The following ZNF541 variants were observed in gnomAD, a reference collection of about 807,000 sequenced individuals.
ZNF541 encodes zinc finger protein 541.
In ZNF541, 23 loss-of-function variants were observed where a neutral mutation model predicts 123.5. The observed-to-expected ratio is 0.19, with a 90% CI of 0.13 to 0.26. ZNF541 has a LOEUF of 0.26. ZNF541 is among the 10% of genes least tolerant of loss of function. The probability of loss-of-function intolerance (pLI) is 1.00; values close to 1 mark genes in which losing one functional copy is unlikely to be tolerated. For missense variants in ZNF541, 1,612 were observed against 1,789.9 expected (o/e 0.90, Z 1.79); for synonymous variants, 751 against 754.5 (o/e 1.00, Z 0.08).
Position 47,555,938 on chromosome 19 carries a change from T to G in ZNF541, c.-82A>C. The G allele has an allele frequency of 7.5e-7, 1 of 1,337,388 alleles. No individual in the cohort carries two copies. The highest frequency in any genetic ancestry group is 1.0e-6 in the Non-Finnish European group (1 of 994,326). The allele number at this position is 1,337,388 out of a possible 1,614,324, so 82.8% of individuals were successfully genotyped here. A position where few individuals can be genotyped will look rare whatever the true frequency, so the allele number is the denominator to read the frequency against. ...TAAGGAGACAGGGAGGAGAGAGCCC[T>G]TGATGGCAACTAATTCCTGAAAATG... On this transcript the variant is annotated 5_prime_UTR_variant, in exon 3 of 17. Coordinates refer to ENST00000391901, the MANE Select transcript of ZNF541 (RefSeq NM_001277075.3).
At chr19:47,561,399 C>T (rs987118398) in intron 2 of ZNF541, among the ~76,000 whole-genome samples, 6 of 152,052 alleles carry the variant, frequency 3.9e-5, no homozygotes, top group Admixed American at 1.3e-4. Context: ...GATTGCGCCA[C>T]TGCACTCCAG....
chr19:47,572,790 G>A lies in ZNF541; in HGVS notation c.-246+293C>T, dbSNP rs1971522562. ...GGGGGGACGGAGTGGGAAAGAAAAG[G>A]GGGTGCAGCGGGCCAGGGGATCCTG... is the stretch of plus-strand genomic sequence containing the variant. On this transcript the variant is annotated intron_variant, in intron 1 of 16. Transcript: ENST00000391901. Among the ~76,000 whole-genome samples the A allele has an allele frequency of 2.0e-5, 3 of 151,726 alleles. No individual in the cohort carries two copies. In the South Asian group the frequency reaches 6.2e-4, roughly 32 times the overall value.
chr19:47,540,550 G>T (rs1209032767), intron 6 of ZNF541, among the ~76,000 whole-genome samples: 2 of 151,052 alleles, frequency 1.3e-5, no homozygotes, highest in Non-Finnish European at 2.9e-5. Flanking sequence ...AGTGATTTTC[G>T]TGCCTCAGCC....
chr19:47,556,192 A>G (rs1184767849), intron 2 of ZNF541, among the ~76,000 whole-genome samples: 8 of 152,200 alleles, frequency 5.3e-5, no homozygotes, highest in Non-Finnish European at 1.2e-4. Flanking sequence ...TTCCAGCAAC[A>G]TGGTGGACTG....
chr19:47,562,118 A>G (rs924542247), intron 2 of ZNF541, among the ~76,000 whole-genome samples: 2 of 152,062 alleles, frequency 1.3e-5, no homozygotes, highest in East Asian at 3.9e-4. Flanking sequence ...CTGTGGTGGC[A>G]GGCACCTGCA....
intron 14 of ZNF541, among the ~76,000 whole-genome samples, chr19:47,527,606 G>C (rs1277442935): frequency 6.6e-6 from 1 of 151,974 alleles, no homozygotes; most frequent in Admixed American, 6.6e-5. Flanking sequence ...ATATTGCCCA[G>C]GCTGGTCTTG....
At position 47,544,609 on chromosome 19, in the gene ZNF541, G is replaced by A. The variant is rs1970235507; in HGVS notation, c.1920C>T (p.Pro640=). The part of the protein sequence containing the change: ...TTPGVPREAS[P]GSTRRDAKGG... Reference sequence around the variant, plus strand: ...CCTTTGCGTCTCGTCTCGTGCTGCCGGGGGAGGCCTCTCTGGGAACCCCGG... The same window carrying A: ...CCTTTGCGTCTCGTCTCGTGCTGCCAGGGGAGGCCTCTCTGGGAACCCCGG... The change falls in exon 5 of 17, where the codon CCC becomes CCT. Residue 640 remains proline (P), a synonymous_variant. Transcript: ENST00000391901. The A allele has an allele frequency of 1.9e-6, 3 of 1,550,786 alleles. No homozygotes were observed. The highest frequency in any genetic ancestry group is 2.4e-5 in the East Asian group (1 of 40,920).
intron 13 of ZNF541, 65 bp from the exon 14 acceptor site, chr19:47,529,103 T>C: frequency 1.7e-6 from 2 of 1,194,880 alleles, no homozygotes; most frequent in Non-Finnish European, 2.4e-6. Context: ...ATGGCTGAAA[T>C]GCAGACCACC....
intron 8 of ZNF541, 192 bp from the exon 9 acceptor site, chr19:47,538,631 C>G (rs1969938816): frequency 3.5e-6 from 2 of 565,536 alleles, no homozygotes; most frequent in African/African-American, 1.9e-5. Flanking sequence ...CCGGCTGCAG[C>G]CTTCTCCTGC....
intron 11 of ZNF541, 103 bp from the exon 12 acceptor site, chr19:47,531,848 T>C: frequency 9.2e-7 from 1 of 1,086,608 alleles, no homozygotes; most frequent in South Asian, 1.6e-5. Context: ...GCCTTCCCCT[T>C]CTCTCTCCTG....
At chr19:47,528,263 C>T (rs1179548722) in intron 14 of ZNF541, among the ~76,000 whole-genome samples, 2 of 133,778 alleles carry the variant, frequency 1.5e-5, no homozygotes, top group Non-Finnish European at 3.1e-5. Context: ...TGCGGTGAGC[C>T]AAGATTGCGC....
intron 14 of ZNF541, among the ~76,000 whole-genome samples, chr19:47,523,740 C>T (rs1426368316): frequency 6.6e-6 from 1 of 152,218 alleles, no homozygotes; most frequent in Non-Finnish European, 1.5e-5. Flanking sequence ...ACCACCCAGG[C>T]AGGGGCAATT....
At position 47,545,896 on chromosome 19, in the gene ZNF541, G is replaced by C; in HGVS notation, c.633C>G (p.Arg211=). The C allele has an allele frequency of 6.5e-7, 1 of 1,547,778 alleles. No homozygotes were observed. Among genetic ancestry groups the C allele is most frequent in the Admixed American group, 2.0e-5 (1 of 50,752 alleles). Residue 211 remains arginine, a synonymous_variant, in exon 5 of 17, where the codon CGC becomes CGG. Coordinates refer to ENST00000391901, the MANE Select transcript of ZNF541 (RefSeq NM_001277075.3). This position sits in a 1 kb window ranked among gnomAD's most constrained non-coding sequence, Gnocchi z 7.5. ...QGCSKSYCDY[R]SLRRHYEVHH... is the part of the protein sequence containing the mutation. ...GGACCTCGTAGTGCCGGCGCAGAGAGCGGTAGTCGCAGTAGCTCTTGCTGC... is the reference window on the plus strand; with the variant it reads ...GGACCTCGTAGTGCCGGCGCAGAGACCGGTAGTCGCAGTAGCTCTTGCTGC...
intron 1 of ZNF541, among the ~76,000 whole-genome samples, chr19:47,572,791 G>C (rs1174437252): frequency 6.6e-6 from 1 of 151,692 alleles, no homozygotes; most frequent in African/African-American, 2.4e-5. Context: ...AAAGAAAAGG[G>C]GGTGCAGCGG....
intron 14 of ZNF541, among the ~76,000 whole-genome samples, chr19:47,525,305 A>G (rs973817800): frequency 1.7e-4 from 25 of 151,224 alleles, no homozygotes; most frequent in Non-Finnish European, 2.5e-4. Flanking sequence ...AAAAAAGTCA[A>G]CTCTCCTCAA....
intron 12 of ZNF541, among the ~76,000 whole-genome samples, chr19:47,530,335 A>ATT (rs10586987): frequency 1.7e-4 from 22 of 131,902 alleles, no homozygotes; most frequent in Non-Finnish European, 2.6e-4. Flanking sequence ...CTCCCTGCTA[A>ATT]TTTTTTTTTT....
intron 9 of ZNF541, 92 bp downstream of exon 9, chr19:47,538,050 A>C: frequency 7.0e-7 from 1 of 1,430,068 alleles, no homozygotes; most frequent in Admixed American, 2.1e-5. Flanking sequence ...GGCAGGAGAC[A>C]ATCACTGAAC....
At chr19:47,530,646 T>C (rs1257741992) in intron 12 of ZNF541, among the ~76,000 whole-genome samples, 1 of 152,006 alleles carries the variant, frequency 6.6e-6, no homozygotes, top group Non-Finnish European at 1.5e-5. Context: ...AGAATTTCTT[T>C]TCTTTTTTTT....
At chr19:47,551,694 ATTTTTAAAT>A (rs532500283) in intron 3 of ZNF541, among the ~76,000 whole-genome samples, 79 of 150,082 alleles carry the variant, frequency 5.3e-4, no homozygotes, top group Non-Finnish European at 8.1e-4. Flanking sequence ...ACCCCAGCTG[ATTTTTAAAT>A]TGTTATTTGT....
Sources: gnomAD v4.1 joint callset for allele counts (sites outside exome capture counted in the v4.1 genomes callset) on GRCh38, gnomAD v4.1.1 for gene constraint, Gnocchi (gnomAD v3.1) non-coding constraint, MANE v1.5 for transcripts, NCBI Gene and HGNC (gene_info 2026-07-23, HGNC 2026-07-21) for gene names.